The following AUTS2 variants were observed in gnomAD, a reference collection of about 807,000 sequenced individuals.
The protein encoded by AUTS2 is activator of transcription and developmental regulator AUTS2, also known as autism susceptibility gene 2 protein.
A neutral mutation model predicts 112.4 loss-of-function variants in AUTS2; 17 were observed. The ratio of observed to expected loss-of-function variants is 0.15; its 90% CI spans 0.10 to 0.23. The LOEUF is 0.23. Ranked by LOEUF, AUTS2 falls within the 10% of genes least tolerant of loss-of-function variation. AUTS2 has a pLI of 1.00. For missense variants in AUTS2, 1,510 were observed against 1,701.6 expected (o/e 0.89, Z 1.98); for synonymous variants, 751 against 702.7 (o/e 1.07, Z -1.09).
chr7:70,790,653 G>A lies in AUTS2; in HGVS notation c.3437G>A (p.Gly1146Glu), dbSNP rs150926322. 44 of 1,613,214 alleles carry A rather than the reference G, an allele frequency of 2.7e-5. No homozygotes were observed. Among genetic ancestry groups the A allele is most frequent in the African/African-American group, 6.7e-5 (5 of 75,022 alleles). The change falls in exon 19 of 19, where the codon GGA becomes GAA. Residue 1146 changes from glycine to glutamate, a missense_variant. Physicochemically the swap from Gly to Glu is moderately conservative, Grantham distance 98 (BLOSUM62 -2). This residue lies in a region of AUTS2 where 788 missense variants were observed against 797.6 expected (regional missense o/e 0.99). Transcript: ENST00000342771. The surrounding 1 kb of genome is among the most constrained non-coding windows in gnomAD (Gnocchi z 7.6). ...SVDPRREHER[G>E]GHLDERERLH... ...GACCCTCGGCGGGAGCACGAGCGGG[G>A]AGGCCACCTGGACGAGCGGGAGCGC... is the stretch of plus-strand genomic sequence containing the variant.
chr7:70,403,490 T>C (rs1447817642), intron 4 of AUTS2, among the ~76,000 whole-genome samples: 1 of 152,218 alleles, frequency 6.6e-6, no homozygotes, highest in Non-Finnish European at 1.5e-5. Flanking sequence ...AGATCATCAA[T>C]GTCTGCCTGG....
Position 70,775,337 on chromosome 7 carries a change from T to A in AUTS2, c.1903-20T>A. The A allele has an allele frequency of 6.2e-7, 1 of 1,610,038 alleles. No individual in the cohort carries two copies. ...TTTGAGTGACAGGCATGTAACCAAG[T>A]TGTCATTTTCTCTTCACAGTTGACA... On this transcript the variant is annotated intron_variant, in intron 12 of 18. Transcript: ENST00000342771.
intron 4 of AUTS2, among the ~76,000 whole-genome samples, chr7:70,183,051 T>C (rs1322051396): frequency 2.0e-5 from 3 of 152,086 alleles, no homozygotes; most frequent in Non-Finnish European, 4.4e-5. Context: ...AGGCCAGTGG[T>C]TTGATAAATT....
chr7:69,959,023 C>A (rs1797325599), intron 2 of AUTS2, among the ~76,000 whole-genome samples: 1 of 152,168 alleles, frequency 6.6e-6, no homozygotes, highest in African/African-American at 2.4e-5. Context: ...ACTTTCTGGT[C>A]TCCTATTAGT....
rs548962104 is a variant in AUTS2, at chr7:70,484,067, A to G, written c.690+48286A>G. On this transcript the variant is annotated intron_variant, in intron 5 of 18. Coordinates refer to ENST00000342771, the MANE Select transcript of AUTS2 (RefSeq NM_015570.4). ...TATTATGGAAGTAAGATTTGTTGCA[A>G]GTTACAAATCAAAGCCTGAATTGTC... 5.9e-5 allele frequency among the ~76,000 whole-genome samples: 9 copies of G among 152,328 alleles called. No individual in the cohort carries two copies. In the East Asian group the frequency reaches 1.7e-3, roughly 29 times the overall value.
In AUTS2 at chr7:70,263,277, G is replaced by A. The variant is rs146137502; in HGVS notation, c.660+128706G>A. 1.7e-3 allele frequency among the ~76,000 whole-genome samples: 254 copies of A among 152,166 alleles called. 1 individual carries two copies. The highest frequency in any genetic ancestry group is 5.4e-3 in the African/African-American group (223 of 41,532). On this transcript the variant is annotated intron_variant, in intron 4 of 18. Coordinates refer to ENST00000342771, the MANE Select transcript of AUTS2 (RefSeq NM_015570.4). ...GGGATATCCAATATAACATCCTTGG[G>A]TCAGTGTAGTACATCTTACGTTAAG...
chr7:70,726,120 A>G (rs1429512077), intron 6 of AUTS2, among the ~76,000 whole-genome samples: 2 of 151,904 alleles, frequency 1.3e-5, no homozygotes, highest in Non-Finnish European at 2.9e-5. Flanking sequence ...AAGTTTTAGG[A>G]TGTGAATCTG....
chr7:69,838,282 AGAATCAGGCCTAAAGCGATT>A (rs1791814536), intron 1 of AUTS2, among the ~76,000 whole-genome samples: 1 of 151,504 alleles, frequency 6.6e-6, no homozygotes, highest in African/African-American at 2.4e-5. Flanking sequence ...TTACAGATAA[AGAATCAGGCCTAAAGCGATT>A]GATGATGATG....
intron 4 of AUTS2, among the ~76,000 whole-genome samples, chr7:70,298,729 C>T (rs1254907336): frequency 1.3e-5 from 2 of 152,144 alleles, no homozygotes; most frequent in Non-Finnish European, 2.9e-5. Context: ...TCTCCTTAAC[C>T]CAAATTAACA....
intron 4 of AUTS2, among the ~76,000 whole-genome samples, chr7:70,306,572 T>C (rs956510840): frequency 5.9e-5 from 9 of 152,210 alleles, no homozygotes; most frequent in African/African-American, 1.7e-4. Context: ...ATTAAAGTTA[T>C]CAGAATAGAG....
At chr7:70,646,400 CT>C (rs933910928) in intron 5 of AUTS2, among the ~76,000 whole-genome samples, 2 of 152,214 alleles carry the variant, frequency 1.3e-5, no homozygotes, top group African/African-American at 2.4e-5. Context: ...CAGCAGTGAG[CT>C]TGCCGTCACA....
chr7:70,258,309 A>G (rs1401120177), intron 4 of AUTS2, among the ~76,000 whole-genome samples: 1 of 152,198 alleles, frequency 6.6e-6, no homozygotes, highest in African/African-American at 2.4e-5. Flanking sequence ...TAGGGGAAAG[A>G]TGGAGAAGGA....
intron 1 of AUTS2, among the ~76,000 whole-genome samples, chr7:69,641,672 A>C (rs1398788398): frequency 6.6e-6 from 1 of 152,232 alleles, no homozygotes; most frequent in African/African-American, 2.4e-5. Context: ...TCAATGCTTA[A>C]ATATGATTTA....
intron 2 of AUTS2, among the ~76,000 whole-genome samples, chr7:69,978,901 C>CACACAG (rs1491381480): frequency 1.5e-5 from 2 of 129,110 alleles, no homozygotes; most frequent in African/African-American, 2.9e-5. Flanking sequence ...CACACACACA[C>CACACAG]GCACACACGC....
intron 1 of AUTS2, among the ~76,000 whole-genome samples, chr7:69,625,498 C>T (rs986574976): frequency 6.6e-5 from 10 of 151,590 alleles, no homozygotes; most frequent in South Asian, 2.1e-4. Context: ...TCTTTTTTGG[C>T]GGGGCAGGGG....
chr7:69,992,746 A>G (rs1187828726), intron 2 of AUTS2, among the ~76,000 whole-genome samples: 1 of 152,070 alleles, frequency 6.6e-6, no homozygotes. Context: ...TAAGCCAGAC[A>G]TGGTGGTGTG....
chr7:70,650,032 T>A (rs1585439646), intron 5 of AUTS2, among the ~76,000 whole-genome samples: 1 of 152,282 alleles, frequency 6.6e-6, no homozygotes, highest in Non-Finnish European at 1.5e-5. Context: ...GGTTAAGTAT[T>A]TTGGGGCACG....
chr7:69,843,120 G>A (rs762541681), intron 1 of AUTS2, among the ~76,000 whole-genome samples: 2 of 152,154 alleles, frequency 1.3e-5, no homozygotes, highest in Non-Finnish European at 1.5e-5. Context: ...GTAAGATAAA[G>A]TGATTCAAGG....
At chr7:70,350,786 TA>T (rs1791715236) in intron 4 of AUTS2, among the ~76,000 whole-genome samples, 1 of 152,108 alleles carries the variant, frequency 6.6e-6, no homozygotes, top group Admixed American at 6.5e-5. Context: ...CAGTCTACAA[TA>T]TTATTAACTA....
Sources: allele counts gnomAD v4.1 joint callset (sites outside exome capture counted in the v4.1 genomes callset), GRCh38; gene constraint gnomAD v4.1.1; regional missense constraint gnomAD v4.1.1; non-coding constraint Gnocchi (gnomAD v3.1); transcripts MANE v1.5; gene names NCBI Gene and HGNC (gene_info 2026-07-23, HGNC 2026-07-21).